Variants in AGPS observed in about 807,000 individuals in gnomAD.
AGPS encodes alkylglycerone phosphate synthase.
Under a neutral mutation model 90.7 loss-of-function variants are expected in AGPS, and 26 were observed. That is an observed-to-expected ratio of 0.29 (90% CI 0.21 to 0.40). AGPS has a LOEUF of 0.40. Ranked by LOEUF, AGPS falls within the 10% of genes least tolerant of loss-of-function variation. The probability of loss-of-function intolerance (pLI) is 1.00; values close to 1 mark genes in which losing one functional copy is unlikely to be tolerated. For synonymous variants in AGPS, 294 were observed against 285.3 expected, an observed-to-expected ratio of 1.03 and a Z score of -0.31; for missense variants, 540 against 816.1, an observed-to-expected ratio of 0.66 and a Z score of 4.12.
At chr2:177,470,383 G>C (rs1035004968) in intron 10 of AGPS, among the ~76,000 whole-genome samples, 1 of 152,148 alleles carries the variant, frequency 6.6e-6, no homozygotes, top group Admixed American at 6.5e-5. Flanking sequence ...AAGGGACAAA[G>C]TTATTATAGT....
intron 11 of AGPS, among the ~76,000 whole-genome samples, chr2:177,486,505 G>T (rs1009707551): frequency 3.3e-5 from 5 of 151,754 alleles, no homozygotes; most frequent in Non-Finnish European, 4.4e-5. Context: ...GATAGCAGGG[G>T]AATTAAGATC....
intron 10 of AGPS, among the ~76,000 whole-genome samples, chr2:177,475,952 T>G (rs1240250346): frequency 2.0e-5 from 3 of 152,132 alleles, no homozygotes; most frequent in Non-Finnish European, 2.9e-5. Flanking sequence ...TTATGTAATT[T>G]ATTGCTATAC....
chr2:177,436,169 CTCGCTCTGTCTCCCAGAGCTCTG>C (rs987869286), intron 3 of AGPS, among the ~76,000 whole-genome samples: 2 of 62,388 alleles, frequency 3.2e-5, no homozygotes, highest in African/African-American at 6.8e-5. Context: ...GCGACAGAGT[CTCGCTCTGTCTCCCAGAGCTCTG>C]TCGCTCTGGA....
chr2:177,472,081 G>A (rs10194452), intron 10 of AGPS, among the ~76,000 whole-genome samples: 131,303 of 151,422 alleles, frequency 0.87, 57,136 homozygotes, highest in East Asian at 0.98. Flanking sequence ...TTATTTCTGT[G>A]AAGTTTTTTT....
At chr2:177,531,118 G>GTA (rs1232295275) in intron 19 of AGPS, among the ~76,000 whole-genome samples, 1 of 151,952 alleles carries the variant, frequency 6.6e-6, no homozygotes, top group Non-Finnish European at 1.5e-5. Context: ...AACTTTAAAA[G>GTA]TAAAAGGAAA....
At chr2:177,404,528 T>C (rs910418566) in intron 1 of AGPS, among the ~76,000 whole-genome samples, 3 of 152,276 alleles carry the variant, frequency 2.0e-5, no homozygotes, top group South Asian at 4.1e-4. Flanking sequence ...TTCACAATAC[T>C]CATTAGTGTA....
chr2:177,438,640 A>G (rs555733711), intron 5 of AGPS, among the ~76,000 whole-genome samples: 1 of 151,974 alleles, frequency 6.6e-6, no homozygotes, highest in Admixed American at 6.6e-5. Context: ...TTCATGCCGC[A>G]TGTTTCTTGC....
At chr2:177,533,234 A>AGAGTGT (rs1357658607) in intron 19 of AGPS, among the ~76,000 whole-genome samples, 2 of 152,210 alleles carry the variant, frequency 1.3e-5, no homozygotes, top group African/African-American at 4.8e-5. Flanking sequence ...TGTTGTAGTT[A>AGAGTGT]GAGTGTAAGA....
At chr2:177,514,952 A>G (rs758548413) in intron 17 of AGPS, among the ~76,000 whole-genome samples, 2 of 151,700 alleles carry the variant, frequency 1.3e-5, no homozygotes, top group Non-Finnish European at 2.9e-5. Flanking sequence ...TCATCTGTAT[A>G]TTAACATGTT....
chr2:177,478,287 C>G (rs1313226822), intron 10 of AGPS, among the ~76,000 whole-genome samples: 1 of 152,046 alleles, frequency 6.6e-6, no homozygotes, highest in African/African-American at 2.4e-5. Context: ...TTTCTCTTGC[C>G]TTTGACTTTT....
At chr2:177,493,614 A>C (rs114437197) in intron 12 of AGPS, among the ~76,000 whole-genome samples, 1 of 152,152 alleles carries the variant, frequency 6.6e-6, no homozygotes, top group Non-Finnish European at 1.5e-5. Flanking sequence ...GGGGACTTCA[A>C]ATTGTTCTAT....
intron 17 of AGPS, among the ~76,000 whole-genome samples, chr2:177,520,910 T>C (rs1689166184): frequency 6.6e-6 from 1 of 152,210 alleles, no homozygotes; most frequent in Non-Finnish European, 1.5e-5. Context: ...TCAGTGAAAA[T>C]GGCATTTCAT....
intron 1 of AGPS, among the ~76,000 whole-genome samples, chr2:177,411,897 G>A (rs528211555): frequency 1.7e-4 from 26 of 152,244 alleles, no homozygotes; most frequent in African/African-American, 5.5e-4. Context: ...GGGATAAGCT[G>A]GGTAGAAATC....
At chr2:177,537,393 A>C (rs2105746400) in intron 19 of AGPS, among the ~76,000 whole-genome samples, 1 of 152,254 alleles carries the variant, frequency 6.6e-6, no homozygotes, top group South Asian at 2.1e-4. Flanking sequence ...ATGTAAAAGC[A>C]AAAGATTAAG....
intron 11 of AGPS, among the ~76,000 whole-genome samples, chr2:177,490,096 C>G (rs185374810): frequency 6.6e-6 from 1 of 152,080 alleles, no homozygotes; most frequent in Non-Finnish European, 1.5e-5. Flanking sequence ...GGAAACATAA[C>G]CTAATCTTAA....
chr2:177,433,878 C>G (rs1019024003), intron 2 of AGPS, among the ~76,000 whole-genome samples: 1 of 151,806 alleles, frequency 6.6e-6, no homozygotes, highest in African/African-American at 2.4e-5. Context: ...TAGATTGGTT[C>G]CTCTCTTACT....
At chr2:177,514,732 G>T (rs559938086) in intron 17 of AGPS, among the ~76,000 whole-genome samples, 8 of 151,760 alleles carry the variant, frequency 5.3e-5, no homozygotes, top group Non-Finnish European at 1.2e-4. Context: ...TTTCCTTATT[G>T]TTCCCATTGG....
chr2:177,400,728 A>T (rs1341713990), intron 1 of AGPS, among the ~76,000 whole-genome samples: 1 of 152,098 alleles, frequency 6.6e-6, no homozygotes, highest in Non-Finnish European at 1.5e-5. Context: ...CCTCAGTGGG[A>T]CTCTCCAAAT....
intron 9 of AGPS, among the ~76,000 whole-genome samples, chr2:177,463,350 T>G (rs1207955039): frequency 1.3e-5 from 2 of 152,220 alleles, no homozygotes; most frequent in Non-Finnish European, 2.9e-5. Flanking sequence ...GGACATAAAA[T>G]GAAAACTCAA....
Sources: allele counts gnomAD v4.1 joint callset (sites outside exome capture counted in the v4.1 genomes callset), GRCh38; gene constraint gnomAD v4.1.1; transcripts MANE v1.5; gene names NCBI Gene and HGNC (gene_info 2026-07-23, HGNC 2026-07-21).